Variants in C10orf143 observed in about 807,000 individuals in gnomAD.
The protein encoded by C10orf143 is uncharacterized protein C10orf143.
At chr10:130,038,902 C>T (rs1043388832) in intron 3 of C10orf143, among the ~76,000 whole-genome samples, 1 of 152,188 alleles carries the variant, frequency 6.6e-6, no homozygotes, top group Non-Finnish European at 1.5e-5. Flanking sequence ...AGGCTCTGAC[C>T]ACAGGGCAGG....
In C10orf143 at chr10:130,092,670, C is replaced by T. The variant is rs1424929600; in HGVS notation, c.70-12769G>A. Among the ~76,000 whole-genome samples the T allele has an allele frequency of 2.6e-5, 4 of 152,034 alleles. No homozygotes were observed. In the South Asian group the frequency reaches 8.3e-4, roughly 32 times the overall value. On this transcript the variant is annotated intron_variant, in intron 1 of 3. Transcript: ENST00000637128. ...CCATCGGTGTGCTGTATTCAGGAGA[C>T]CCATCTCACCTGCAAAGACACACAT...
chr10:130,053,164 G>A (rs549804237), intron 3 of C10orf143, among the ~76,000 whole-genome samples: 2 of 152,308 alleles, frequency 1.3e-5, no homozygotes, highest in South Asian at 4.1e-4. Context: ...GGGTTCAGGC[G>A]ATTCTCCTAC....
At chr10:130,106,762 T>C in intron 1 of C10orf143, 1 of 1,248,006 alleles carries the variant, frequency 8.0e-7, no homozygotes, top group South Asian at 1.2e-5. Context: ...TGAATGAACT[T>C]AATAAACAGA....
chr10:130,054,487 G>A (rs1390374569), intron 3 of C10orf143, among the ~76,000 whole-genome samples: 1 of 152,238 alleles, frequency 6.6e-6, no homozygotes, highest in Non-Finnish European at 1.5e-5. Context: ...GAACAAAGGA[G>A]TGCTAATAAC....
intron 3 of C10orf143, among the ~76,000 whole-genome samples, chr10:130,039,767 C>T (rs1860585586): frequency 6.6e-6 from 1 of 152,092 alleles, no homozygotes; most frequent in South Asian, 2.1e-4. Context: ...TAGGAAGGCT[C>T]CCGACGTCTC....
chr10:130,073,586 TTC>T (rs1473169499), intron 3 of C10orf143, among the ~76,000 whole-genome samples: 2 of 151,838 alleles, frequency 1.3e-5, no homozygotes, highest in Admixed American at 1.3e-4. Context: ...TACTTTTGTT[TTC>T]TCTCTTCGCC....
intron 3 of C10orf143, among the ~76,000 whole-genome samples, chr10:130,053,363 G>A (rs556946211): frequency 6.6e-5 from 10 of 152,302 alleles, no homozygotes; most frequent in African/African-American, 1.4e-4. Flanking sequence ...GAGCCACCAC[G>A]CCCGGCCAAA....
At chr10:130,078,218 A>G (rs917470916) in intron 3 of C10orf143, among the ~76,000 whole-genome samples, 2 of 152,082 alleles carry the variant, frequency 1.3e-5, no homozygotes, top group African/African-American at 4.8e-5. Flanking sequence ...TTTTTTCTTT[A>G]AGCCATTCAT....
chr10:130,110,558 C>T, intron 1 of C10orf143, 146 bp downstream of exon 1: 1 of 396,930 alleles, frequency 2.5e-6, no homozygotes, highest in Non-Finnish European at 4.4e-6. Context: ...TGGCCACGCC[C>T]TCCCAGGGAC....
intron 3 of C10orf143, among the ~76,000 whole-genome samples, chr10:130,048,980 C>T (rs1216488369): frequency 6.6e-6 from 1 of 152,186 alleles, no homozygotes; most frequent in Non-Finnish European, 1.5e-5. Context: ...ACTGGGGTTA[C>T]AGATGTGAGC....
chr10:130,109,945 T>C lies in C10orf143; in HGVS notation c.69+759A>G, dbSNP rs371787802. Among the ~76,000 whole-genome samples, 14 of 152,164 alleles carry C rather than the reference T, an allele frequency of 9.2e-5. No homozygotes were observed. The South Asian group carries it at 2.9e-3, about 32-fold the overall frequency. On this transcript the variant is annotated intron_variant, in intron 1 of 3. Transcript: ENST00000637128. ...ACGAGGTTAAGTAAGAACTGGCCAA[T>C]TTGCAAGCAGAGGTGGAAGATAAAA...
intron 1 of C10orf143, among the ~76,000 whole-genome samples, chr10:130,095,086 A>C (rs912133744): frequency 6.7e-6 from 1 of 149,690 alleles, no homozygotes; most frequent in Non-Finnish European, 1.5e-5. Flanking sequence ...CCAATAATAG[A>C]CAAACAGAGG....
At chr10:130,048,672 A>C (rs1860704250) in intron 3 of C10orf143, among the ~76,000 whole-genome samples, 1 of 152,150 alleles carries the variant, frequency 6.6e-6, no homozygotes. Flanking sequence ...CTTCCTGTAG[A>C]CCACGCAATG....
At chr10:130,093,250 A>G (rs1246185173) in intron 1 of C10orf143, among the ~76,000 whole-genome samples, 1 of 152,240 alleles carries the variant, frequency 6.6e-6, no homozygotes, top group East Asian at 1.9e-4. Context: ...AGAATTCAGG[A>G]TTAAGAAATT....
intron 3 of C10orf143, among the ~76,000 whole-genome samples, chr10:130,069,229 C>T (rs1412688242): frequency 6.6e-6 from 1 of 152,132 alleles, no homozygotes; most frequent in Non-Finnish European, 1.5e-5. Context: ...TGAGAGGCAG[C>T]CAGATGACAT....
chr10:130,095,077 C>G (rs1482773356), intron 1 of C10orf143, among the ~76,000 whole-genome samples: 1 of 151,996 alleles, frequency 6.6e-6, no homozygotes, highest in Non-Finnish European at 1.5e-5. Context: ...TCCTATACAC[C>G]AATAATAGAC....
intron 3 of C10orf143, among the ~76,000 whole-genome samples, chr10:130,053,823 C>G (rs1411700990): frequency 6.6e-6 from 1 of 152,210 alleles, no homozygotes; most frequent in Non-Finnish European, 1.5e-5. Context: ...AGGAGGCTGG[C>G]CCAGCACCAA....
intron 1 of C10orf143, among the ~76,000 whole-genome samples, chr10:130,088,044 C>T (rs1301574556): frequency 6.6e-6 from 1 of 152,212 alleles, no homozygotes; most frequent in African/African-American, 2.4e-5. Flanking sequence ...TGTGTTAACA[C>T]GTGAGCGAGC....
At chr10:130,039,248 G>A (rs1226319564) in intron 3 of C10orf143, among the ~76,000 whole-genome samples, 1 of 152,158 alleles carries the variant, frequency 6.6e-6, no homozygotes, top group Non-Finnish European at 1.5e-5. Flanking sequence ...GATTTCTTAT[G>A]GGGTCGGCTC....
Sources: allele counts gnomAD v4.1 joint callset (sites outside exome capture counted in the v4.1 genomes callset), GRCh38; gene constraint gnomAD v4.1.1; transcripts MANE v1.5; gene names NCBI Gene and HGNC (gene_info 2026-07-23, HGNC 2026-07-21).